CFAP92: variants seen among roughly 807,000 people sequenced by gnomAD.
CFAP92 encodes cilia and flagella associated protein 92 (putative), also known as uncharacterized protein CFAP92.
CFAP92 carries 86 observed loss-of-function variants against 106.3 expected under a neutral mutation model. That is an observed-to-expected ratio of 0.81 (90% CI 0.68 to 0.97). CFAP92 has a LOEUF of 0.97. Ranked by LOEUF, CFAP92 falls within the 50% of genes least tolerant of loss-of-function variation. CFAP92 has a pLI of 0.00. For synonymous variants in CFAP92, 477 were observed against 506.4 expected (o/e 0.94, Z 0.78); for missense variants, 1,204 against 1,283.8 (o/e 0.94, Z 0.95).
In CFAP92 at chr3:128,988,784, C is replaced by T. The variant is rs1482108441; in HGVS notation, c.397G>A (p.Val133Ile). The T allele has an allele frequency of 6.2e-7, 1 of 1,613,902 alleles. No individual in the cohort carries two copies. The highest frequency in any genetic ancestry group is 1.3e-5 in the African/African-American group (1 of 74,924). The change falls in exon 3 of 16, where the codon GTT (valine) becomes ATT (isoleucine). Residue 133 changes from valine (V) to isoleucine (I), a missense_variant. Val to Ile is a conservative substitution (Grantham distance 29, BLOSUM62 3). Transcript: ENST00000645291. ...ACCATTGGAAATAGCAATATGTCAA[C>T]TTTTTTAGGTTCTTCATCGTCCGGC... ...LLPDDEEPKK[V>I]DILLFPMVAK...
chr3:129,010,824 C>T, the CFAP92 span, among the ~76,000 whole-genome samples: 1 of 152,196 alleles, frequency 6.6e-6, no homozygotes, highest in Non-Finnish European at 1.5e-5. The surrounding 1 kb of genome is among the most constrained non-coding windows in gnomAD (Gnocchi z 4.3). Flanking sequence ...AATACTCAGG[C>T]TCACAAAGAG....
intron 15 of CFAP92, among the ~76,000 whole-genome samples, chr3:128,913,269 G>A (rs561068225): frequency 6.6e-6 from 1 of 152,294 alleles, no homozygotes; most frequent in East Asian, 1.9e-4. Flanking sequence ...ACACAGTGCA[G>A]GCCACAATCC....
At chr3:129,020,620 G>C in the CFAP92 span, among the ~76,000 whole-genome samples, 4 of 152,264 alleles carry the variant, frequency 2.6e-5, no homozygotes, top group East Asian at 7.7e-4. Flanking sequence ...CTGGGCAACA[G>C]AGTAACACCC....
chr3:128,937,176 C>T (rs1939107939), intron 10 of CFAP92, among the ~76,000 whole-genome samples: 1 of 151,788 alleles, frequency 6.6e-6, no homozygotes, highest in African/African-American at 2.4e-5. Context: ...TGGTGCACAC[C>T]TGTAGTCCTA....
At chr3:128,971,564 G>A in intron 7 of CFAP92, 131 bp from the exon 8 acceptor site, 1 of 744,854 alleles carries the variant, frequency 1.3e-6, no homozygotes, top group Non-Finnish European at 2.1e-6. Flanking sequence ...TATTCTTTGT[G>A]TGACTGCCTC....
chr3:128,934,264 G>A (rs563664580), intron 11 of CFAP92, among the ~76,000 whole-genome samples: 4 of 152,252 alleles, frequency 2.6e-5, no homozygotes, highest in East Asian at 1.9e-4. Flanking sequence ...TGGTTGCCCA[G>A]GCTGGAGTGC....
intron 9 of CFAP92, among the ~76,000 whole-genome samples, chr3:128,955,898 CAT>C (rs1159193352): frequency 2.5e-5 from 1 of 39,350 alleles, no homozygotes; most frequent in Non-Finnish European, 4.2e-5. Context: ...CTCTCTGAAA[CAT>C]GTGCTGTGTC....
At chr3:128,955,007 A>G in intron 9 of CFAP92, among the ~76,000 whole-genome samples, 1 of 26,084 alleles carries the variant, frequency 3.8e-5, no homozygotes, top group Non-Finnish European at 5.7e-5. Context: ...CCCGTCCGGG[A>G]GGTGAGGGGC....
chr3:128,956,196 T>TAAAAAA (rs577724635), intron 9 of CFAP92, among the ~76,000 whole-genome samples: 3 of 61,704 alleles, frequency 4.9e-5, no homozygotes, highest in African/African-American at 2.8e-4. Flanking sequence ...AAAAAAAAAA[T>TAAAAAA]AAAAAAAAAA....
At chr3:128,973,076 A>T (rs1362829341) in intron 7 of CFAP92, among the ~76,000 whole-genome samples, 1 of 152,180 alleles carries the variant, frequency 6.6e-6, no homozygotes, top group Non-Finnish European at 1.5e-5. Context: ...AGATAACATA[A>T]ATCAAGTCAA....
At chr3:128,928,068 T>G (rs1369916799) in intron 12 of CFAP92, among the ~76,000 whole-genome samples, 1 of 152,006 alleles carries the variant, frequency 6.6e-6, no homozygotes, top group African/African-American at 2.4e-5. Context: ...CTGGCTAACA[T>G]GGTGAAACCC....
At chr3:129,002,103 C>T (rs1944804752) in intron 1 of CFAP92, 5 of 1,490,824 alleles carry the variant, frequency 3.4e-6, no homozygotes, top group Non-Finnish European at 4.4e-6. Context: ...CCGTGCGGGG[C>T]CCCGGCTGCC....
rs746828323 is a variant in CFAP92, at chr3:128,993,203, C to T, written c.102G>A (p.Glu34=). 19 of 1,614,050 alleles carry T rather than the reference C, an allele frequency of 1.2e-5. No homozygotes were observed. In the Admixed American group the frequency reaches 3.0e-4, roughly 25 times the overall value. ...CCCTGGCCTTGGCCTTCAGGTGTTC[C>T]TCCACGTCACACTCGCTCGTGGACT... The part of the protein sequence containing the change: ...FYQSTSECDV[E]EHLKAKARAQ... Residue 34 remains glutamate, a synonymous_variant, in exon 2 of 16, where the codon GAG becomes GAA. Coordinates refer to ENST00000645291, the MANE Select transcript of CFAP92 (RefSeq NM_001394090.1).
intron 10 of CFAP92, among the ~76,000 whole-genome samples, chr3:128,936,799 G>A (rs1388326060): frequency 1.3e-5 from 2 of 152,142 alleles, no homozygotes; most frequent in African/African-American, 4.8e-5. Context: ...GTCTGTGTGT[G>A]TACCTCAAAT....
chr3:129,020,487 A>G, the CFAP92 span, among the ~76,000 whole-genome samples: 1 of 152,244 alleles, frequency 6.6e-6, no homozygotes, highest in African/African-American at 2.4e-5. Flanking sequence ...AAATACAAAA[A>G]TTGGCTGAGC....
At chr3:129,004,702 T>G (rs906784892), upstream of CFAP92, among the ~76,000 whole-genome samples, 3 of 152,282 alleles carry the variant, frequency 2.0e-5, no homozygotes, top group Non-Finnish European at 4.4e-5. Flanking sequence ...TGCCAGGCCT[T>G]GAGCTAAGTA....
At chr3:128,995,323 CTCAA>C (rs1425478086), upstream of CFAP92, among the ~76,000 whole-genome samples, 2 of 152,146 alleles carry the variant, frequency 1.3e-5, no homozygotes, top group Non-Finnish European at 2.9e-5. Context: ...GAAAAACAGC[CTCAA>C]GTACAGCTGT....
At chr3:128,916,762 T>C (rs1294172859) in intron 12 of CFAP92, among the ~76,000 whole-genome samples, 3 of 152,172 alleles carry the variant, frequency 2.0e-5, no homozygotes, top group Non-Finnish European at 4.4e-5. Flanking sequence ...GTCTGTTGGC[T>C]TCCTTTGTGA....
intron 1 of CFAP92, chr3:129,002,136 A>G (rs889340325): frequency 2.0e-6 from 3 of 1,474,344 alleles, no homozygotes; most frequent in Non-Finnish European, 2.7e-6. Context: ...CAGCGAGCAC[A>G]TCGAGACGCA....
Sources: gnomAD v4.1 joint callset for allele counts (sites outside exome capture counted in the v4.1 genomes callset) on GRCh38, gnomAD v4.1.1 for gene constraint, Gnocchi (gnomAD v3.1) non-coding constraint, MANE v1.5 for transcripts, NCBI Gene and HGNC (gene_info 2026-07-23, HGNC 2026-07-21) for gene names.